SLA: variants seen among roughly 807,000 people sequenced by gnomAD.
SLA encodes src-like-adapter.
SLA carries 16 observed loss-of-function variants against 30.3 expected under a neutral mutation model. That is an observed-to-expected ratio of 0.53 (90% confidence interval 0.36 to 0.80). The LOEUF is 0.80. Ranked by LOEUF, SLA falls within the 30% of genes least tolerant of loss-of-function variation. The pLI, the probability that SLA is intolerant of heterozygous loss-of-function variation, is 0.01. For synonymous variants in SLA, 143 were observed against 137.8 expected, an observed-to-expected ratio of 1.04 and a Z score of -0.26; for missense variants, 310 against 345.2, an observed-to-expected ratio of 0.90 and a Z score of 0.81.
intron 1 of SLA, among the ~76,000 whole-genome samples, chr8:133,087,006 G>T (rs1479434278): frequency 6.6e-6 from 1 of 150,876 alleles, no homozygotes; most frequent in Non-Finnish European, 1.5e-5. Context: ...TATCGACAAT[G>T]GATTGTTAGG....
chr8:133,086,149 G>A (rs1273177272), intron 1 of SLA, among the ~76,000 whole-genome samples: 1 of 152,198 alleles, frequency 6.6e-6, no homozygotes, highest in African/African-American at 2.4e-5. Flanking sequence ...GTCCAGAATA[G>A]GTAACTCTAC....
At chr8:133,077,264 G>A (rs1845033055) in intron 1 of SLA, among the ~76,000 whole-genome samples, 1 of 152,178 alleles carries the variant, frequency 6.6e-6, no homozygotes, top group South Asian at 2.1e-4. Context: ...GCAGACAAGA[G>A]AGAGGCCCAT....
intron 2 of SLA, chr8:133,060,415 G>C: frequency 6.7e-7 from 1 of 1,493,714 alleles, no homozygotes; most frequent in Non-Finnish European, 8.9e-7. Context: ...CCACAGAGAG[G>C]GAAGTTGCTA....
intron 1 of SLA, among the ~76,000 whole-genome samples, chr8:133,088,999 C>A (rs1159673662): frequency 6.6e-6 from 1 of 152,250 alleles, no homozygotes; most frequent in African/African-American, 2.4e-5. Flanking sequence ...GCTGTCCTGG[C>A]TGCTCAATAG....
chr8:133,061,205 T>G (rs574126042), intron 2 of SLA, among the ~76,000 whole-genome samples: 138 of 152,324 alleles, frequency 9.1e-4, no homozygotes, highest in Non-Finnish European at 1.7e-3. Flanking sequence ...AGATGGGGTT[T>G]CACCATGTTG....
chr8:133,082,166 C>T (rs10100520), intron 1 of SLA, among the ~76,000 whole-genome samples: 39,030 of 151,968 alleles, frequency 0.26, 5,324 homozygotes, highest in African/African-American at 0.31. Flanking sequence ...GTTGTCAGGC[C>T]GCATGAAGGG....
chr8:133,091,049 A>G (rs1588064243), intron 1 of SLA, among the ~76,000 whole-genome samples: 1 of 152,302 alleles, frequency 6.6e-6, no homozygotes, highest in South Asian at 2.1e-4. Flanking sequence ...AAGTTGAAAT[A>G]ATACTGTTGT....
chr8:133,085,171 C>A (rs185881602), intron 1 of SLA, among the ~76,000 whole-genome samples: 1 of 152,172 alleles, frequency 6.6e-6, no homozygotes, highest in Admixed American at 6.5e-5. Context: ...AAAAATATAC[C>A]AAGGTATAAT....
chr8:133,050,433 GAA>G (rs1840185318), intron 4 of SLA: 2 of 247,550 alleles, frequency 8.1e-6, no homozygotes, highest in East Asian at 1.8e-4. Context: ...TAAGAGGAGA[GAA>G]GGCAAATTTT....
chr8:133,045,920 G>GC (rs1839296092), intron 6 of SLA, among the ~76,000 whole-genome samples: 1 of 152,048 alleles, frequency 6.6e-6, no homozygotes, highest in East Asian at 1.9e-4. Flanking sequence ...TTGCAGTTAT[G>GC]CCCCCTTTTC....
intron 3 of SLA, chr8:133,059,302 C>T: frequency 5.5e-6 from 2 of 364,668 alleles, no homozygotes; most frequent in Non-Finnish European, 1.1e-5. Context: ...CAAGACCCCA[C>T]AATATGAGAA....
At chr8:133,069,411 T>C (rs1453203303) in intron 2 of SLA, among the ~76,000 whole-genome samples, 1 of 152,236 alleles carries the variant, frequency 6.6e-6, no homozygotes, top group African/African-American at 2.4e-5. Flanking sequence ...CCCCACACTC[T>C]ACAGCTCCCA....
At chr8:133,090,870 C>T (rs1414816096) in intron 1 of SLA, among the ~76,000 whole-genome samples, 1 of 152,142 alleles carries the variant, frequency 6.6e-6, no homozygotes, top group African/African-American at 2.4e-5. Flanking sequence ...TGGCCTCACC[C>T]CGCACCCCCC....
intron 1 of SLA, chr8:133,094,476 G>C (rs1309186474): frequency 5.7e-6 from 1 of 175,242 alleles, no homozygotes. Flanking sequence ...TCCTGACCTT[G>C]TGATCCGCCC....
At chr8:133,083,537 T>C (rs886708412) in intron 1 of SLA, among the ~76,000 whole-genome samples, 2 of 152,160 alleles carry the variant, frequency 1.3e-5, no homozygotes, top group Non-Finnish European at 2.9e-5. Context: ...CCATGGCCTA[T>C]GCTCTTGATG....
chr8:133,050,942 G>A (rs1840292393), intron 3 of SLA, 27 bp from the exon 4 acceptor site: 5 of 1,374,590 alleles, frequency 3.6e-6, no homozygotes, highest in Non-Finnish European at 5.2e-6. Context: ...AAGGGGGAAG[G>A]GGGCAAGGTG....
At chr8:133,060,289 A>T (rs1272372147) in intron 2 of SLA, 89 bp from the exon 3 acceptor site, 1 of 1,585,304 alleles carries the variant, frequency 6.3e-7, no homozygotes, top group East Asian at 2.3e-5. Context: ...ATCGTGCATC[A>T]TTTTTCTGGC....
chr8:133,040,152 C>A (rs373633199), intron 7 of SLA, 22 bp from the exon 8 acceptor site: 25 of 1,573,334 alleles, frequency 1.6e-5, no homozygotes, highest in South Asian at 8.2e-5. Context: ...AGCAGACAGC[C>A]GGTCAGGGAC....
chr8:133,075,144 T>G lies in SLA; in HGVS notation c.-318-14A>C, dbSNP rs1844663009. ...TCTCTGCAAGGACTGGGAAGATAGA[T>G]GGGTTATTAATTTTTTTACAAAGCA... On this transcript the variant is annotated splice_polypyrimidine_tract_variant and intron_variant, in intron 1 of 8. Transcript: ENST00000338087. The G allele has an allele frequency of 3.0e-6, 3 of 985,018 alleles. No individual in the cohort carries two copies. The highest frequency in any genetic ancestry group is 3.6e-6 in the Non-Finnish European group (3 of 829,548). The allele number at this position is 985,018 out of a possible 1,614,324, so 61.0% of individuals were successfully genotyped here.
Sources: gnomAD v4.1 joint callset for allele counts (sites outside exome capture counted in the v4.1 genomes callset) on GRCh38, gnomAD v4.1.1 for gene constraint, MANE v1.5 for transcripts, NCBI Gene and HGNC (gene_info 2026-07-23, HGNC 2026-07-21) for gene names.